The following CTTN variants were observed in gnomAD, a reference collection of about 807,000 sequenced individuals.
CTTN encodes src substrate cortactin.
Under a neutral mutation model 84.0 loss-of-function variants are expected in CTTN, and 28 were observed. The ratio of observed to expected loss-of-function variants is 0.33; its 90% CI spans 0.25 to 0.46. CTTN has a LOEUF of 0.46. Among genes scored for constraint, CTTN ranks in the 20% least tolerant of loss-of-function variants. The pLI is 1.00. For missense variants in CTTN, 641 were observed against 723.8 expected, an observed-to-expected ratio of 0.89 and a Z score of 1.31; for synonymous variants, 301 against 288.8, an observed-to-expected ratio of 1.04 and a Z score of -0.43.
At chr11:70,401,846 G>GA (rs1414161468) in intron 1 of CTTN, among the ~76,000 whole-genome samples, 2 of 149,662 alleles carry the variant, frequency 1.3e-5, no homozygotes, top group Admixed American at 6.7e-5. Flanking sequence ...AAAAAAAAAA[G>GA]AAAAAAAAGG....
intron 5 of CTTN, among the ~76,000 whole-genome samples, chr11:70,413,913 C>G (rs1295660571): frequency 1.3e-5 from 2 of 152,146 alleles, no homozygotes; most frequent in Non-Finnish European, 2.9e-5. Flanking sequence ...GCGGGTCTCA[C>G]GGATCCTGCC....
At position 70,435,251 on chromosome 11, in the gene CTTN, C is replaced by CTTTT; in HGVS notation, c.*90_*91insTTTT. Reference sequence around the variant, plus strand: ...GTTCTTGGGTGGTTTTGGGTTTTTTCTGTTTTTTTTTTTTTTTTTTTTTTT... The same window carrying CTTTT: ...GTTCTTGGGTGGTTTTGGGTTTTTTCTTTTTGTTTTTTTTTTTTTTTTTTTTTTT... On this transcript the variant is annotated 3_prime_UTR_variant, in exon 18 of 18. Transcript: ENST00000301843. 1.2e-5 allele frequency: 12 copies of CTTTT among 978,062 alleles called. No homozygotes were observed. The highest frequency in any genetic ancestry group is 5.0e-5 in the South Asian group (2 of 39,774). 60.6% of individuals were successfully genotyped at this position (978,062 alleles called of 1,614,324 possible). A position where few individuals can be genotyped will look rare whatever the true frequency, so the allele number is the denominator to read the frequency against.
intron 14 of CTTN, 108 bp downstream of exon 14, chr11:70,429,307 C>G: frequency 7.8e-7 from 1 of 1,288,362 alleles, no homozygotes; most frequent in South Asian, 1.3e-5. Context: ...CCAGGTTTTC[C>G]TTGGAAGGCA....
In CTTN at chr11:70,421,585, A is replaced by T; in HGVS notation, c.901+5A>T. 1.2e-6 allele frequency: 2 copies of T among 1,605,510 alleles called. No homozygotes were observed. The highest frequency in any genetic ancestry group is 1.7e-6 in the Non-Finnish European group (2 of 1,172,204). ...CCAAGCACGAGTCCCAGCAAGGCACAGTTGCCACCAGCCTCCTACCCTCCC... is the reference window on the plus strand; with the variant it reads ...CCAAGCACGAGTCCCAGCAAGGCACTGTTGCCACCAGCCTCCTACCCTCCC... On this transcript the variant is annotated splice_donor_5th_base_variant and intron_variant, in intron 11 of 17. Transcript: ENST00000301843.
At chr11:70,421,148 C>T (rs573631184) in intron 10 of CTTN, among the ~76,000 whole-genome samples, 96 of 152,318 alleles carry the variant, frequency 6.3e-4, no homozygotes, top group Admixed American at 5.7e-3. Context: ...TACACAGATA[C>T]GCACACTCGT....
At chr11:70,410,056 A>G (rs2058082004) in intron 5 of CTTN, 96 bp downstream of exon 5, 1 of 1,366,712 alleles carries the variant, frequency 7.3e-7, no homozygotes. Context: ...TTAGATCAGC[A>G]GTTTTGAGTC....
chr11:70,405,151 T>TA (rs2058028310), intron 1 of CTTN, 114 bp from the exon 2 acceptor site: 1 of 152,238 alleles, frequency 6.6e-6, no homozygotes. Flanking sequence ...AAAACCTTGT[T>TA]ACGTTTGGGA....
At chr11:70,399,901 C>T (rs1341288926) in intron 1 of CTTN, among the ~76,000 whole-genome samples, 1 of 152,144 alleles carries the variant, frequency 6.6e-6, no homozygotes, top group Middle Eastern at 3.2e-3. Flanking sequence ...CCCTCAAGCC[C>T]GGCCGGGCCC....
chr11:70,428,775 AGT>A (rs1353316672), intron 13 of CTTN, among the ~76,000 whole-genome samples: 1 of 152,180 alleles, frequency 6.6e-6, no homozygotes, highest in Non-Finnish European at 1.5e-5. Flanking sequence ...TAAAAAGGTG[AGT>A]GTGGTGGTGA....
At chr11:70,414,485 A>C in intron 5 of CTTN, 57 bp from the exon 6 acceptor site, 2 of 1,277,520 alleles carry the variant, frequency 1.6e-6, no homozygotes, top group African/African-American at 1.5e-5. Context: ...TCTGGGAGGA[A>C]GTGAAGCGCC....
rs1471132418 is a variant in CTTN, at chr11:70,429,218, G to C, written c.1176+19G>C. The C allele has an allele frequency of 6.2e-7, 1 of 1,604,582 alleles. No individual in the cohort carries two copies. Among genetic ancestry groups the C allele is most frequent in the Non-Finnish European group, 8.5e-7 (1 of 1,175,896 alleles). ...GCTGGAGGTGAGTGGCAAGGAGTGG[G>C]CCGCAGCGCACCCTCCCTGGGACCT... On this transcript the variant is annotated intron_variant, in intron 14 of 17. Coordinates refer to ENST00000301843, the MANE Select transcript of CTTN (RefSeq NM_005231.4).
chr11:70,418,169 C>T (rs779153618), intron 8 of CTTN, among the ~76,000 whole-genome samples: 21 of 152,184 alleles, frequency 1.4e-4, no homozygotes, highest in Non-Finnish European at 2.9e-4. Context: ...CTGGAAGATC[C>T]GACCATGCTG....
At chr11:70,414,992 A>G (rs2058141140) in intron 6 of CTTN, among the ~76,000 whole-genome samples, 1 of 152,032 alleles carries the variant, frequency 6.6e-6, no homozygotes, top group Non-Finnish European at 1.5e-5. Context: ...CAGAGCCTAT[A>G]CCGGGGGGGC....
intron 13 of CTTN, among the ~76,000 whole-genome samples, chr11:70,425,955 A>G (rs1440711344): frequency 6.6e-6 from 1 of 152,184 alleles, no homozygotes; most frequent in East Asian, 1.9e-4. Flanking sequence ...AGCAAGTGCT[A>G]AATTTAACAC....
At chr11:70,414,817 C>T (rs934260337) in intron 6 of CTTN, among the ~76,000 whole-genome samples, 165 bp downstream of exon 6, 4 of 152,144 alleles carry the variant, frequency 2.6e-5, no homozygotes, top group Admixed American at 2.0e-4. Context: ...AGCCTGGGCT[C>T]TCAGAGAGAG....
At chr11:70,422,683 C>G in intron 11 of CTTN, 1 of 1,425,138 alleles carries the variant, frequency 7.0e-7, no homozygotes, top group Non-Finnish European at 9.3e-7. Flanking sequence ...GCCCGCCGCC[C>G]CTCCTGCCCC....
intron 8 of CTTN, among the ~76,000 whole-genome samples, 165 bp from the exon 9 acceptor site, chr11:70,419,581 T>G (rs2058204446): frequency 1.3e-5 from 2 of 152,204 alleles, no homozygotes; most frequent in South Asian, 4.1e-4. Context: ...CTGTTTGTGT[T>G]TCTGTTATTA....
chr11:70,400,896 C>G (rs1244578393), intron 1 of CTTN, among the ~76,000 whole-genome samples: 1 of 152,294 alleles, frequency 6.6e-6, no homozygotes, highest in East Asian at 1.9e-4. Context: ...CGGGGTTTCC[C>G]TTGAGTAAGT....
chr11:70,416,818 C>A (rs2058167100), intron 7 of CTTN, 195 bp from the exon 8 acceptor site: 11 of 555,386 alleles, frequency 2.0e-5, no homozygotes, highest in Non-Finnish European at 3.2e-5. Context: ...GGGCCCAGAA[C>A]CCCCCCATGC....
Sources: allele counts gnomAD v4.1 joint callset (sites outside exome capture counted in the v4.1 genomes callset), GRCh38; gene constraint gnomAD v4.1.1; transcripts MANE v1.5; gene names NCBI Gene and HGNC (gene_info 2026-07-23, HGNC 2026-07-21).